The following ELP4 variants were observed in gnomAD, a reference collection of about 807,000 sequenced individuals.
ELP4 encodes elongator complex protein 4.
Under a neutral mutation model 48.9 loss-of-function variants are expected in ELP4, and 51 were observed. That is an observed-to-expected ratio of 1.04 (90% CI 0.83 to 1.32). ELP4 has a LOEUF of 1.32. Among genes scored for constraint, ELP4 ranks in the 40% most tolerant of loss-of-function variants. ELP4 has a pLI of 0.00. For synonymous variants in ELP4, 210 were observed against 189.2 expected (o/e 1.11, Z -0.90); for missense variants, 519 against 514.6 (o/e 1.01, Z -0.08).
intron 1 of ELP4, chr11:31,512,326 A>G (rs1052997395): frequency 6.6e-6 from 1 of 152,210 alleles, no homozygotes; most frequent in African/African-American, 2.4e-5. Flanking sequence ...TACTACTGCC[A>G]CCGTGACGTC....
chr11:31,774,680 AG>A (rs1438711797), intron 9 of ELP4, among the ~76,000 whole-genome samples: 3 of 152,354 alleles, frequency 2.0e-5, no homozygotes, highest in East Asian at 3.9e-4. Context: ...AAGCATAACA[AG>A]GCTCACCAGC....
In ELP4 at chr11:31,689,617, C is replaced by G. The variant is rs371582384; in HGVS notation, c.1143+39396C>G. On this transcript the variant is annotated intron_variant, in intron 9 of 9. Coordinates refer to ENST00000640961, the MANE Select transcript of ELP4 (RefSeq NM_019040.5). ...TTATGTGAAAGCACCTGCCCAACTC[C>G]TTGCTTATGATAGGAAGTCTGTGGC... Among the ~76,000 whole-genome samples the G allele has an allele frequency of 7.2e-5, 11 of 152,080 alleles. No homozygotes were observed. The East Asian group carries it at 1.4e-3, about 19-fold the overall frequency.
In ELP4 at chr11:31,789,273, TAAAAC is replaced by T; in HGVS notation, c.*5753_*5757del. ...GAAGACAAATACTTACATTTTGACATAAAACAAATTGGATTATATCGAAGACACAC... is the reference window on the plus strand; with the variant it reads ...GAAGACAAATACTTACATTTTGACATAAATTGGATTATATCGAAGACACAC... On this transcript the variant is annotated 3_prime_UTR_variant, in exon 10 of 10. Transcript: ENST00000640961. 4.5e-6 allele frequency: 1 copy of T among 221,446 alleles called. No individual in the cohort carries two copies. Among genetic ancestry groups the T allele is most frequent in the Non-Finnish European group, 9.0e-6 (1 of 110,906 alleles). 13.7% of individuals were successfully genotyped at this position (221,446 alleles called of 1,614,324 possible). A position where few individuals can be genotyped will look rare whatever the true frequency, so the allele number is the denominator to read the frequency against.
chr11:31,580,216 G>T (rs945025948), intron 3 of ELP4, among the ~76,000 whole-genome samples: 1 of 152,110 alleles, frequency 6.6e-6, no homozygotes, highest in African/African-American at 2.4e-5. Context: ...AACACCAATT[G>T]TTCTTCCAGT....
chr11:31,583,529 G>A (rs1957425071), intron 3 of ELP4, among the ~76,000 whole-genome samples: 1 of 152,090 alleles, frequency 6.6e-6, no homozygotes, highest in African/African-American at 2.4e-5. Context: ...TTGAACCCCA[G>A]AGTTCAAAGA....
intron 9 of ELP4, among the ~76,000 whole-genome samples, chr11:31,689,018 A>G (rs1487798631): frequency 1.3e-5 from 2 of 152,318 alleles, no homozygotes; most frequent in East Asian, 3.9e-4. Flanking sequence ...TCTATGGCAC[A>G]TAAGCACCTT....
At chr11:31,646,326 A>G (rs1324319985) in intron 7 of ELP4, 1 of 151,828 alleles carries the variant, frequency 6.6e-6, no homozygotes, top group African/African-American at 2.4e-5. Context: ...CATTCCTTGT[A>G]TAATGCTGAA....
intron 9 of ELP4, among the ~76,000 whole-genome samples, chr11:31,706,511 T>A (rs938394042): frequency 4.1e-5 from 6 of 148,124 alleles, no homozygotes; most frequent in African/African-American, 1.5e-4. Flanking sequence ...TTTTATATAT[T>A]TATATATGTA....
intron 9 of ELP4, among the ~76,000 whole-genome samples, chr11:31,655,273 A>G (rs886336864): frequency 6.6e-6 from 1 of 151,970 alleles, no homozygotes; most frequent in Non-Finnish European, 1.5e-5. Flanking sequence ...TTCACATGCC[A>G]TAGTTAACCT....
In ELP4 at chr11:31,563,449, G is replaced by C. The variant is rs1957054958; in HGVS notation, c.381+23666G>C. On this transcript the variant is annotated intron_variant, in intron 3 of 9. Coordinates refer to ENST00000640961, the MANE Select transcript of ELP4 (RefSeq NM_019040.5). ...ACAAAATAATATAGCAGTAAGAACA[G>C]AAAGAGCTTGGAATGAAACGGGCCG... 3.3e-5 allele frequency among the ~76,000 whole-genome samples: 5 copies of C among 152,222 alleles called. No individual in the cohort carries two copies. In the South Asian group the frequency reaches 8.3e-4, roughly 25 times the overall value.
chr11:31,594,041 A>G (rs1264789181), intron 3 of ELP4, among the ~76,000 whole-genome samples: 2 of 152,210 alleles, frequency 1.3e-5, no homozygotes, highest in Non-Finnish European at 2.9e-5. Flanking sequence ...TGATTCTAAT[A>G]GAAAATAAAA....
In ELP4 at chr11:31,595,658, T is replaced by A. The variant is rs556678813; in HGVS notation, c.513+757T>A. On this transcript the variant is annotated intron_variant, in intron 4 of 9. Transcript: ENST00000640961. ...AAATGCCTCATTTGGTTTCCTGTTT[T>A]CACTACCCCCTTCTAAATAAATAGC... 3.9e-5 allele frequency among the ~76,000 whole-genome samples: 6 copies of A among 152,300 alleles called. No homozygotes were observed. In the South Asian group the frequency reaches 1.2e-3, roughly 32 times the overall value.
intron 9 of ELP4, chr11:31,662,493 T>C (rs539978477): frequency 5.0e-6 from 2 of 397,194 alleles, no homozygotes; most frequent in South Asian, 2.6e-4. Context: ...GTAACAGCCA[T>C]TCCTATCATT....
intron 9 of ELP4, among the ~76,000 whole-genome samples, chr11:31,703,821 C>G (rs1946575182): frequency 6.6e-6 from 1 of 152,080 alleles, no homozygotes; most frequent in Non-Finnish European, 1.5e-5. Context: ...TATGCCTTCT[C>G]CTAAAGTAAT....
chr11:31,620,576 C>G (rs1944599714), intron 5 of ELP4, among the ~76,000 whole-genome samples: 1 of 151,868 alleles, frequency 6.6e-6, no homozygotes, highest in Admixed American at 6.6e-5. Context: ...GAAGAGAGAT[C>G]AAAATACTGA....
intron 9 of ELP4, chr11:31,714,714 T>C (rs1946805270): frequency 2.5e-6 from 1 of 398,610 alleles, no homozygotes; most frequent in Non-Finnish European, 4.4e-6. Context: ...TTTTCCAGCT[T>C]CTAGAGGTTG....
chr11:31,546,502 A>G (rs1330748161), intron 3 of ELP4, among the ~76,000 whole-genome samples: 9 of 152,206 alleles, frequency 5.9e-5, no homozygotes, highest in African/African-American at 2.2e-4. Context: ...TTAGTGACCT[A>G]CAAAGAGACT....
At chr11:31,559,427 A>C (rs1000258070) in intron 3 of ELP4, among the ~76,000 whole-genome samples, 14 of 152,230 alleles carry the variant, frequency 9.2e-5, no homozygotes, top group African/African-American at 2.7e-4. Context: ...AAAGTCTATT[A>C]GATTTCAAAA....
At chr11:31,668,921 T>A (rs1349812697) in intron 9 of ELP4, among the ~76,000 whole-genome samples, 1 of 151,928 alleles carries the variant, frequency 6.6e-6, no homozygotes, top group Non-Finnish European at 1.5e-5. Context: ...GAATTTTTAA[T>A]TTAGTCCAAT....
Sources: allele counts gnomAD v4.1 joint callset (sites outside exome capture counted in the v4.1 genomes callset), GRCh38; gene constraint gnomAD v4.1.1; transcripts MANE v1.5; gene names NCBI Gene and HGNC (gene_info 2026-07-23, HGNC 2026-07-21).